The following CAMK1D variants were observed in gnomAD, a reference collection of about 807,000 sequenced individuals.
CAMK1D encodes calcium/calmodulin-dependent protein kinase type 1D.
A neutral mutation model predicts 47.7 loss-of-function variants in CAMK1D; 9 were observed. The observed-to-expected ratio is 0.19, with a 90% CI of 0.11 to 0.33. The LOEUF (loss-of-function observed/expected upper bound fraction) is 0.33, where lower values mean the gene tolerates loss of function less well. CAMK1D is among the 10% of genes least tolerant of loss of function. CAMK1D has a pLI of 1.00. For missense variants in CAMK1D, 291 were observed against 488.7 expected (o/e 0.60, Z 3.81); for synonymous variants, 184 against 184.9 (o/e 0.99, Z 0.04).
intron 1 of CAMK1D, among the ~76,000 whole-genome samples, chr10:12,364,815 A>C (rs998839468): frequency 6.6e-6 from 1 of 152,132 alleles, no homozygotes; most frequent in African/African-American, 2.4e-5. Context: ...TTAACAACCT[A>C]CTTGCAAAAT....
At chr10:12,570,297 G>T (rs553808816) in intron 2 of CAMK1D, among the ~76,000 whole-genome samples, 20 of 152,276 alleles carry the variant, frequency 1.3e-4, no homozygotes, top group South Asian at 6.2e-4. Context: ...TTAAACCTGT[G>T]TAAGAAAGTC....
At chr10:12,659,329 A>G (rs371503748) in intron 2 of CAMK1D, among the ~76,000 whole-genome samples, 1 of 152,222 alleles carries the variant, frequency 6.6e-6, no homozygotes, top group East Asian at 1.9e-4. Flanking sequence ...AGGAGACAGC[A>G]CGGAAAATGG....
intron 3 of CAMK1D, among the ~76,000 whole-genome samples, chr10:12,692,095 C>T (rs950104069): frequency 6.6e-6 from 1 of 152,084 alleles, no homozygotes; most frequent in Non-Finnish European, 1.5e-5. Context: ...ATTATTTAAG[C>T]CAAATGGTTG....
At chr10:12,720,922 C>T (rs966713353) in intron 3 of CAMK1D, among the ~76,000 whole-genome samples, 7 of 152,242 alleles carry the variant, frequency 4.6e-5, no homozygotes, top group East Asian at 3.9e-4. Flanking sequence ...CAAAAGTGAA[C>T]GACAGGGCAC....
intron 1 of CAMK1D, among the ~76,000 whole-genome samples, chr10:12,359,327 C>T (rs1837595949): frequency 6.6e-6 from 1 of 152,192 alleles, no homozygotes; most frequent in Non-Finnish European, 1.5e-5. Flanking sequence ...ATCCCTGCCC[C>T]TCAGAGGCCA....
intron 3 of CAMK1D, among the ~76,000 whole-genome samples, chr10:12,720,005 G>C (rs557217457): frequency 1.2e-3 from 178 of 152,312 alleles, no homozygotes; most frequent in Non-Finnish European, 2.1e-3. Flanking sequence ...AGTGGGTCTG[G>C]GTAGGAAAGG....
At chr10:12,677,971 A>G (rs1162828161) in intron 3 of CAMK1D, among the ~76,000 whole-genome samples, 4 of 151,088 alleles carry the variant, frequency 2.6e-5, no homozygotes. Flanking sequence ...TTTGTTCTTT[A>G]TTTTTTCTGC....
chr10:12,783,985 G>C (rs747034942), intron 5 of CAMK1D, among the ~76,000 whole-genome samples: 7 of 152,134 alleles, frequency 4.6e-5, no homozygotes, highest in Non-Finnish European at 1.0e-4. Flanking sequence ...ACTCTGGTGA[G>C]GCTGAGTGGT....
intron 4 of CAMK1D, among the ~76,000 whole-genome samples, chr10:12,764,856 G>A (rs750898505): frequency 6.6e-6 from 1 of 152,340 alleles, no homozygotes; most frequent in Middle Eastern, 3.4e-3. Flanking sequence ...AGCACATTGG[G>A]AGGCTGAGGT....
chr10:12,406,584 A>T (rs910793703), intron 1 of CAMK1D, among the ~76,000 whole-genome samples: 4 of 151,790 alleles, frequency 2.6e-5, no homozygotes, highest in Admixed American at 1.3e-4. Flanking sequence ...TTATCAGGGC[A>T]TGGTGGTGCA....
At chr10:12,790,847 T>C (rs1185705850) in intron 5 of CAMK1D, among the ~76,000 whole-genome samples, 1 of 151,560 alleles carries the variant, frequency 6.6e-6, no homozygotes, top group African/African-American at 2.4e-5. Flanking sequence ...AAAATAAAAA[T>C]TAGCCAGGCA....
chr10:12,366,387 G>A (rs180838930), intron 1 of CAMK1D, among the ~76,000 whole-genome samples: 1 of 152,088 alleles, frequency 6.6e-6, no homozygotes, highest in African/African-American at 2.4e-5. Context: ...GGGCTCAGTG[G>A]CTCACACCTG....
intron 1 of CAMK1D, among the ~76,000 whole-genome samples, chr10:12,427,817 C>G (rs541502066): frequency 6.9e-5 from 10 of 145,806 alleles, no homozygotes; most frequent in South Asian, 2.2e-4. Flanking sequence ...AAGCGATTCT[C>G]CTGCCTCAGC....
intron 8 of CAMK1D, among the ~76,000 whole-genome samples, chr10:12,817,292 A>G (rs138455825): frequency 4.6e-5 from 7 of 152,392 alleles, no homozygotes; most frequent in African/African-American, 1.4e-4. Flanking sequence ...TAATTGCCCA[A>G]TGAGGCATTA....
At chr10:12,796,810 A>G (rs1838215103) in intron 6 of CAMK1D, among the ~76,000 whole-genome samples, 2 of 152,154 alleles carry the variant, frequency 1.3e-5, no homozygotes, top group Admixed American at 1.3e-4. Flanking sequence ...TTTTGGCTTT[A>G]GAAATTTGGA....
chr10:12,384,382 GA>G (rs937248147), intron 1 of CAMK1D, among the ~76,000 whole-genome samples: 7 of 152,210 alleles, frequency 4.6e-5, no homozygotes, highest in African/African-American at 1.4e-4. Context: ...GAAATGCAGG[GA>G]ACCCAAAATA....
At chr10:12,378,720 A>G (rs1426258183) in intron 1 of CAMK1D, among the ~76,000 whole-genome samples, 3 of 151,796 alleles carry the variant, frequency 2.0e-5, no homozygotes. Flanking sequence ...AAGAAAGTTT[A>G]TTGAGCACTA....
chr10:12,520,281 A>T (rs1835364827), intron 1 of CAMK1D, among the ~76,000 whole-genome samples: 1 of 83,392 alleles, frequency 1.2e-5, no homozygotes, highest in African/African-American at 4.7e-5. Flanking sequence ...GGCGCTCCTC[A>T]CATCCTAGAC....
At chr10:12,650,924 G>T (rs1211235632) in intron 2 of CAMK1D, among the ~76,000 whole-genome samples, 1 of 152,114 alleles carries the variant, frequency 6.6e-6, no homozygotes, top group Non-Finnish European at 1.5e-5. Context: ...TTACTGCAGG[G>T]TTCCACACCT....
Sources: gnomAD v4.1 joint callset for allele counts (sites outside exome capture counted in the v4.1 genomes callset) on GRCh38, gnomAD v4.1.1 for gene constraint, MANE v1.5 for transcripts, NCBI Gene and HGNC (gene_info 2026-07-23, HGNC 2026-07-21) for gene names.